The following NRXN3 variants were observed in gnomAD, a reference collection of about 807,000 sequenced individuals.
NRXN3 encodes neurexin III.
In NRXN3, 32 loss-of-function variants were observed where a neutral mutation model predicts 137.6. That is an observed-to-expected ratio of 0.23 (90% CI 0.18 to 0.31). The LOEUF (loss-of-function observed/expected upper bound fraction) is 0.31. Among genes scored for constraint, NRXN3 ranks in the 10% least tolerant of loss-of-function variants. The pLI is 1.00. For synonymous variants in NRXN3, 798 were observed against 784.5 expected (o/e 1.02, Z -0.29); for missense variants, 1,574 against 2,062.5 (o/e 0.76, Z 4.59).
intron 20 of NRXN3, among the ~76,000 whole-genome samples, chr14:79,819,502 T>TTTTTTTTA (rs2099264062): frequency 1.8e-4 from 27 of 145,976 alleles, no homozygotes; most frequent in South Asian, 4.5e-4. Context: ...TTTTTTTTTT[T>TTTTTTTTA]GAGACGGAGT....
intron 15 of NRXN3, among the ~76,000 whole-genome samples, chr14:79,044,694 A>G (rs1306323325): frequency 1.1e-5 from 1 of 87,878 alleles, no homozygotes; most frequent in South Asian, 6.3e-4. Context: ...TAGACTCAAA[A>G]GTGAACACAC....
chr14:78,686,863 C>T (rs75710944), intron 6 of NRXN3, among the ~76,000 whole-genome samples: 4,360 of 152,146 alleles, frequency 0.029, 180 homozygotes, highest in African/African-American at 0.084. Flanking sequence ...TCTGCTGAGC[C>T]TAAGCATACA....
intron 16 of NRXN3, among the ~76,000 whole-genome samples, chr14:79,483,627 G>T (rs1196778786): frequency 6.6e-6 from 1 of 152,178 alleles, no homozygotes; most frequent in Non-Finnish European, 1.5e-5. Flanking sequence ...GTCACATTGT[G>T]AGTCATAGTG....
intron 10 of NRXN3, among the ~76,000 whole-genome samples, chr14:78,945,817 A>G (rs979898984): frequency 2.0e-5 from 3 of 152,130 alleles, no homozygotes; most frequent in Non-Finnish European, 4.4e-5. Flanking sequence ...ATGCCTCTTC[A>G]TTTCTGGACC....
intron 15 of NRXN3, among the ~76,000 whole-genome samples, chr14:79,340,133 C>G (rs1385896586): frequency 6.6e-6 from 1 of 150,958 alleles, no homozygotes; most frequent in Non-Finnish European, 1.5e-5. Context: ...CAAGTCACAG[C>G]CCCCTCGTTT....
At position 78,674,020 on chromosome 14, in the gene NRXN3, T is replaced by C. The variant is rs1177068919; in HGVS notation, c.1221+22694T>C. Among the ~76,000 whole-genome samples, 4 of 152,280 alleles carry C rather than the reference T, an allele frequency of 2.6e-5. 1 individual carries two copies. Among genetic ancestry groups the C allele is most frequent in the African/African-American group, 7.2e-5 (3 of 41,574 alleles). On this transcript the variant is annotated intron_variant, in intron 6 of 20. Coordinates refer to ENST00000335750, the MANE Select transcript of NRXN3 (RefSeq NM_001330195.2). ...GTGGGCCCATGTGACAGAGCAGATA[T>C]GGCTGCCACCCAGTGGCCACATGGC...
At chr14:78,847,305 G>C (rs2099029929) in intron 10 of NRXN3, among the ~76,000 whole-genome samples, 1 of 152,096 alleles carries the variant, frequency 6.6e-6, no homozygotes, top group Non-Finnish European at 1.5e-5. Flanking sequence ...GCCACGGCTT[G>C]TGACTGAATT....
chr14:78,194,211 C>T (rs928876791), intron 1 of NRXN3, among the ~76,000 whole-genome samples: 2 of 152,164 alleles, frequency 1.3e-5, no homozygotes, highest in African/African-American at 2.4e-5. Context: ...CTTGCTTTGG[C>T]GTTTTGATAG....
At chr14:79,723,260 A>G (rs2098854186) in intron 19 of NRXN3, among the ~76,000 whole-genome samples, 2 of 152,158 alleles carry the variant, frequency 1.3e-5, no homozygotes, top group South Asian at 4.1e-4. Flanking sequence ...AAAAATGGAA[A>G]TGAAGACAAA....
At chr14:79,592,607 ACCAATTAGTTAC>A (rs2097817625) in intron 16 of NRXN3, among the ~76,000 whole-genome samples, 2 of 152,172 alleles carry the variant, frequency 1.3e-5, no homozygotes, top group Non-Finnish European at 2.9e-5. Context: ...AGATCAATTA[ACCAATTAGTTAC>A]CCATTTTCAT....
intron 16 of NRXN3, among the ~76,000 whole-genome samples, chr14:79,473,819 C>T (rs931761458): frequency 1.1e-5 from 1 of 94,950 alleles, no homozygotes; most frequent in African/African-American, 4.3e-5. Flanking sequence ...GCCACTTATA[C>T]GGAGAGGACC....
rs575110967 is a variant in NRXN3, at chr14:78,445,955, G to A, written c.757+148095G>A. Among the ~76,000 whole-genome samples, 8 of 152,242 alleles carry A rather than the reference G, an allele frequency of 5.3e-5. No individual in the cohort carries two copies. In the South Asian group the frequency reaches 1.5e-3, roughly 28 times the overall value. On this transcript the variant is annotated intron_variant, in intron 4 of 20. Coordinates refer to ENST00000335750, the MANE Select transcript of NRXN3 (RefSeq NM_001330195.2). Reference sequence around the variant, plus strand: ...CTTTCCTGCTTGTGGGAGAGTGGGGGTAAAGCTTCCCGGCAAAGTGTGAGT... The same window carrying A: ...CTTTCCTGCTTGTGGGAGAGTGGGGATAAAGCTTCCCGGCAAAGTGTGAGT...
chr14:79,071,587 T>C (rs1007169414), intron 15 of NRXN3, among the ~76,000 whole-genome samples: 1 of 152,198 alleles, frequency 6.6e-6, no homozygotes, highest in Non-Finnish European at 1.5e-5. Context: ...TGAATGGATC[T>C]CATTTATTTG....
chr14:78,829,792 G>T, intron 10 of NRXN3, among the ~76,000 whole-genome samples: 1 of 152,076 alleles, frequency 6.6e-6, no homozygotes, highest in Non-Finnish European at 1.5e-5. Context: ...GAGTTAATTT[G>T]ACTCAAAAAA....
Position 79,470,875 on chromosome 14 carries a change from A to T in NRXN3, c.3444+3473A>T, listed in dbSNP as rs111726862. On this transcript the variant is annotated intron_variant, in intron 16 of 20. Coordinates refer to ENST00000335750, the MANE Select transcript of NRXN3 (RefSeq NM_001330195.2). ...AGCGGTGTATATGTGTGTGTGTGTG[A>T]GAGAGAGAGAGAAAGAGAGAGAGAG... Among the ~76,000 whole-genome samples the T allele has an allele frequency of 0.016, 2,254 of 145,400 alleles. 94 individuals are homozygous for T. The East Asian group carries it at 0.18, about 11-fold the overall frequency.
chr14:79,786,268 G>A (rs1366759332), intron 19 of NRXN3, among the ~76,000 whole-genome samples: 3 of 152,128 alleles, frequency 2.0e-5, no homozygotes, highest in African/African-American at 7.2e-5. Context: ...AGGGATCCTT[G>A]CTCATTTTCC....
intron 16 of NRXN3, among the ~76,000 whole-genome samples, chr14:79,632,646 G>A (rs1217414969): frequency 6.6e-6 from 1 of 151,680 alleles, no homozygotes; most frequent in Non-Finnish European, 1.5e-5. Flanking sequence ...TGCCTAAGAC[G>A]TGTATTAAAT....
intron 20 of NRXN3, among the ~76,000 whole-genome samples, chr14:79,860,719 C>T (rs940366296): frequency 2.6e-5 from 4 of 152,202 alleles, no homozygotes; most frequent in Non-Finnish European, 5.9e-5. Context: ...GATAGCCAGC[C>T]AGTATTTATA....
intron 6 of NRXN3, among the ~76,000 whole-genome samples, chr14:78,682,076 C>T (rs2098082115): frequency 6.6e-6 from 1 of 152,046 alleles, no homozygotes; most frequent in East Asian, 1.9e-4. Context: ...CCATGTTGGC[C>T]AGGATGATCT....
Sources: allele counts gnomAD v4.1 joint callset (sites outside exome capture counted in the v4.1 genomes callset), GRCh38; gene constraint gnomAD v4.1.1; transcripts MANE v1.5; gene names NCBI Gene and HGNC (gene_info 2026-07-23, HGNC 2026-07-21).